The following SEC63 variants were observed in gnomAD, a reference collection of about 807,000 sequenced individuals.
The protein encoded by SEC63 is translocation protein SEC63 homolog.
SEC63 carries 56 observed loss-of-function variants against 116.2 expected under a neutral mutation model. The observed-to-expected ratio is 0.48, with a 90% confidence interval of 0.39 to 0.60. SEC63 has a LOEUF of 0.60. Among genes scored for constraint, SEC63 ranks in the 20% least tolerant of loss-of-function variants. The pLI is 0.00. For synonymous variants in SEC63, 273 were observed against 294.6 expected (o/e 0.93, Z 0.75); for missense variants, 668 against 900.0 (o/e 0.74, Z 3.30).
At chr6:107,941,878 G>A (rs991881060) in intron 1 of SEC63, among the ~76,000 whole-genome samples, 6 of 152,112 alleles carry the variant, frequency 3.9e-5, no homozygotes, top group Non-Finnish European at 2.9e-5. Context: ...AGAGAAAAAC[G>A]GGACACATAA....
At chr6:107,885,537 A>G (rs531254298) in intron 16 of SEC63, among the ~76,000 whole-genome samples, 9 of 152,354 alleles carry the variant, frequency 5.9e-5, no homozygotes, top group African/African-American at 1.9e-4. Flanking sequence ...ACAATCATGA[A>G]TAACAAGACT....
At chr6:107,888,520 T>C (rs1395742811) in intron 16 of SEC63, among the ~76,000 whole-genome samples, 3 of 152,162 alleles carry the variant, frequency 2.0e-5, no homozygotes, top group South Asian at 2.1e-4. Flanking sequence ...TCTAAATATA[T>C]AATCATGTCA....
intron 18 of SEC63, among the ~76,000 whole-genome samples, chr6:107,877,980 A>T (rs1016965076): frequency 3.3e-4 from 50 of 152,330 alleles, no homozygotes; most frequent in African/African-American, 1.2e-3. Context: ...TAGGACTACC[A>T]CTGTAGGCAT....
At chr6:107,872,705 T>A (rs1170146036) in intron 20 of SEC63, 103 bp downstream of exon 20, 1 of 746,400 alleles carries the variant, frequency 1.3e-6, no homozygotes, top group Non-Finnish European at 2.3e-6. Context: ...AGATGACTTC[T>A]TTTTCCTTCC....
Position 107,869,419 on chromosome 6 carries a change from A to G in SEC63, c.*2285T>C, listed in dbSNP as rs1190874533. On this transcript the variant is annotated 3_prime_UTR_variant, in exon 21 of 21. Transcript: ENST00000369002. ...AATATCACATAATTTAACTGTTTCA[A>G]TTTCACTTCCTATACACTGTATGAT... 2 of 152,176 alleles carry G rather than the reference A, an allele frequency of 1.3e-5. No homozygotes were observed. The highest frequency in any genetic ancestry group is 1.5e-5 in the Non-Finnish European group (1 of 68,040). 9.4% of individuals were successfully genotyped at this position (152,176 alleles called of 1,614,324 possible).
chr6:107,883,553 G>C (rs1786460111), intron 16 of SEC63: 1 of 177,094 alleles, frequency 5.6e-6, no homozygotes. Context: ...TTAGCACTTT[G>C]GAAGGCAGAG....
chr6:107,910,536 C>T (rs1219436593), intron 7 of SEC63, among the ~76,000 whole-genome samples: 1 of 144,846 alleles, frequency 6.9e-6, no homozygotes, highest in Admixed American at 7.1e-5. Flanking sequence ...ATATGCATGT[C>T]ATACATATAT....
At chr6:107,899,191 G>C (rs1467691648) in intron 13 of SEC63, among the ~76,000 whole-genome samples, 1 of 152,172 alleles carries the variant, frequency 6.6e-6, no homozygotes, top group Non-Finnish European at 1.5e-5. Flanking sequence ...ACCATCTCCA[G>C]CATTATTATC....
chr6:107,951,696 G>A (rs971343765), intron 1 of SEC63, among the ~76,000 whole-genome samples: 5 of 152,250 alleles, frequency 3.3e-5, no homozygotes, highest in South Asian at 2.1e-4. Flanking sequence ...AAAAGTTCCC[G>A]AAGTGGGCCG....
Position 107,868,079 on chromosome 6 carries a change from TGC to T in SEC63, c.*3623_*3624del, listed in dbSNP as rs1562308826. ...AGTTTAAATGGATGAGAATGCTTGG[TGC>T]TAACTTCTTGAGACATATTTGGACT... is the stretch of plus-strand genomic sequence containing the variant. On this transcript the variant is annotated 3_prime_UTR_variant, in exon 21 of 21. Transcript: ENST00000369002. 1.3e-5 allele frequency: 2 copies of T among 151,800 alleles called. No homozygotes were observed. Among genetic ancestry groups the T allele is most frequent in the African/African-American group, 4.8e-5 (2 of 41,284 alleles). 9.4% of individuals were successfully genotyped at this position (151,800 alleles called of 1,614,324 possible).
intron 4 of SEC63, among the ~76,000 whole-genome samples, chr6:107,916,184 G>A (rs1281432809): frequency 6.6e-6 from 1 of 152,184 alleles, no homozygotes; most frequent in African/African-American, 2.4e-5. Flanking sequence ...TTGGCTACCT[G>A]ACTTCCTCTG....
At chr6:107,888,654 C>T (rs1253062926) in intron 16 of SEC63, among the ~76,000 whole-genome samples, 3 of 152,162 alleles carry the variant, frequency 2.0e-5, no homozygotes, top group Non-Finnish European at 4.4e-5. Flanking sequence ...TGAGAGAGGG[C>T]ATCCTTGTCT....
chr6:107,939,954 T>C (rs1046477921), intron 1 of SEC63, among the ~76,000 whole-genome samples: 4 of 152,164 alleles, frequency 2.6e-5, no homozygotes, highest in Admixed American at 2.0e-4. Flanking sequence ...TCTGAATAGT[T>C]AGCCATATGT....
intron 18 of SEC63, among the ~76,000 whole-genome samples, chr6:107,879,577 G>A (rs560453486): frequency 2.0e-5 from 3 of 152,054 alleles, no homozygotes; most frequent in South Asian, 4.2e-4. Flanking sequence ...CACCCACCTC[G>A]TCCCCACAAA....
chr6:107,882,665 A>G (rs79973054), intron 17 of SEC63, among the ~76,000 whole-genome samples: 6,812 of 152,110 alleles, frequency 0.045, 460 homozygotes, highest in African/African-American at 0.15. Context: ...TTCCTTACTC[A>G]TATTCCCAGA....
rs1426310843 is a variant in SEC63 at position 107,924,883 on chromosome 6, T to C, written c.274A>G (p.Lys92Glu). The change falls in exon 3 of 21, where the codon AAA becomes GAA. Residue 92 changes from lysine (K) to glutamate (E), a missense_variant. Lys to Glu is a moderately conservative substitution (Grantham distance 56). This residue lies in a region of SEC63 where 142 missense variants were observed against 169.5 expected (regional missense o/e 0.84). Transcript: ENST00000369002. Reference sequence around the variant, plus strand: ...TATTCTCGGTCTGTTTTGGAAACTTTATATGCAAGGAATAAGAACAATGCC... The same window carrying C: ...TATTCTCGGTCTGTTTTGGAAACTTCATATGCAAGGAATAAGAACAATGCC... ...GWALFLFLAY[K>E]VSKTDREYQE... 12 of 1,606,956 alleles carry C rather than the reference T, an allele frequency of 7.5e-6. No homozygotes were observed. The highest frequency in any genetic ancestry group is 6.7e-5 in the Admixed American group (4 of 59,998).
At chr6:107,933,920 G>C (rs533836861) in intron 1 of SEC63, among the ~76,000 whole-genome samples, 2 of 152,176 alleles carry the variant, frequency 1.3e-5, no homozygotes, top group Non-Finnish European at 2.9e-5. Context: ...ACGGGGTTTC[G>C]CTGTGTTGGC....
chr6:107,911,629 T>G (rs1030150330), intron 6 of SEC63, among the ~76,000 whole-genome samples: 1 of 152,216 alleles, frequency 6.6e-6, no homozygotes, highest in African/African-American at 2.4e-5. Context: ...AGGACACAGC[T>G]AGCAAATTGC....
intron 8 of SEC63, 43 bp downstream of exon 8, chr6:107,908,884 A>G: frequency 8.5e-7 from 1 of 1,170,044 alleles, no homozygotes; most frequent in African/African-American, 1.5e-5. Context: ...CATAAGTCAC[A>G]AAACAATGTG....
Sources: allele counts gnomAD v4.1 joint callset (sites outside exome capture counted in the v4.1 genomes callset), GRCh38; gene constraint gnomAD v4.1.1; regional missense constraint gnomAD v4.1.1; transcripts MANE v1.5; gene names NCBI Gene and HGNC (gene_info 2026-07-23, HGNC 2026-07-21).